The following EFNA5 variants were observed in gnomAD, a reference collection of about 807,000 sequenced individuals.
EFNA5 encodes ephrin A5, also known as ephrin-A5.
A neutral mutation model predicts 22.9 loss-of-function variants in EFNA5; 5 were observed. The ratio of observed to expected loss-of-function variants is 0.22; its 90% CI spans 0.11 to 0.46. EFNA5 has a LOEUF of 0.46. Among genes scored for constraint, EFNA5 ranks in the 20% least tolerant of loss-of-function variants. The pLI is 0.99. For missense variants in EFNA5, 237 were observed against 293.3 expected, an observed-to-expected ratio of 0.81 and a Z score of 1.40; for synonymous variants, 113 against 112.2, an observed-to-expected ratio of 1.01 and a Z score of -0.04.
intron 1 of EFNA5, among the ~76,000 whole-genome samples, chr5:107,504,169 A>G (rs1006769932): frequency 6.6e-6 from 1 of 152,192 alleles, no homozygotes; most frequent in Non-Finnish European, 1.5e-5. Context: ...TTTTTTGTTC[A>G]GGATGAAAGT....
chr5:107,662,901 A>C (rs1750992939), intron 1 of EFNA5, among the ~76,000 whole-genome samples: 1 of 152,002 alleles, frequency 6.6e-6, no homozygotes, highest in Non-Finnish European at 1.5e-5. Context: ...TTAATATATC[A>C]CTTTGAAGTT....
rs2112420971 is a variant in EFNA5 at position 107,427,221 on chromosome 5, G to A, written c.414C>T (p.Tyr138=). The A allele has an allele frequency of 1.9e-6, 3 of 1,614,056 alleles. No homozygotes were observed. The highest frequency in any genetic ancestry group is 1.6e-4 in the Middle Eastern group (1 of 6,062). The part of the protein sequence containing the change: ...FEFRPGREYF[Y]ISSAIPDNGR... ...GATAAATCTCTATATACTCACAGAT[G>A]TAGAAATATTCTCGGCCTGGCCTGA... Residue 138 remains tyrosine, a synonymous_variant, in exon 2 of 5, where the codon TAC becomes TAT. Transcript: ENST00000333274.
intron 1 of EFNA5, among the ~76,000 whole-genome samples, chr5:107,629,192 A>G (rs1040727781): frequency 6.6e-6 from 1 of 152,228 alleles, no homozygotes; most frequent in African/African-American, 2.4e-5. Flanking sequence ...CAAAAAATTC[A>G]TCAAACCCAA....
chr5:107,653,295 G>A (rs1209220319), intron 1 of EFNA5, among the ~76,000 whole-genome samples: 1 of 151,932 alleles, frequency 6.6e-6, no homozygotes, highest in Non-Finnish European at 1.5e-5. Context: ...CAGCGTTTCT[G>A]CACTTCAGTC....
chr5:107,415,542 T>C (rs1247038296), intron 2 of EFNA5, among the ~76,000 whole-genome samples: 1 of 152,150 alleles, frequency 6.6e-6, no homozygotes, highest in Non-Finnish European at 1.5e-5. Context: ...GTGTGAAGCT[T>C]GTTTTTTGGA....
intron 1 of EFNA5, among the ~76,000 whole-genome samples, chr5:107,651,129 G>A (rs1750720715): frequency 6.6e-6 from 1 of 152,150 alleles, no homozygotes; most frequent in Non-Finnish European, 1.5e-5. Flanking sequence ...AGTTCTGTTA[G>A]ACAAACTGTA....
intron 1 of EFNA5, among the ~76,000 whole-genome samples, chr5:107,537,056 C>T (rs1380009963): frequency 7.0e-6 from 1 of 142,118 alleles, no homozygotes; most frequent in African/African-American, 3.0e-5. Context: ...AGTGAGCCGA[C>T]ATCGTGCCAC....
chr5:107,460,928 G>A (rs867388440), intron 1 of EFNA5, among the ~76,000 whole-genome samples: 15 of 152,178 alleles, frequency 9.9e-5, no homozygotes, highest in Admixed American at 2.6e-4. Flanking sequence ...AAAACAAAAG[G>A]ACACGGTATT....
intron 2 of EFNA5, among the ~76,000 whole-genome samples, chr5:107,409,457 G>A (rs988352065): frequency 2.0e-5 from 3 of 152,160 alleles, no homozygotes; most frequent in African/African-American, 7.2e-5. Flanking sequence ...GATACCAGAC[G>A]AGAAACTACT....
intron 1 of EFNA5, among the ~76,000 whole-genome samples, chr5:107,571,993 T>C (rs997406166): frequency 1.3e-5 from 2 of 151,908 alleles, no homozygotes; most frequent in Admixed American, 6.6e-5. Flanking sequence ...GAGCCTACTG[T>C]TAACAACAAA....
intron 1 of EFNA5, among the ~76,000 whole-genome samples, chr5:107,516,999 G>A (rs530443578): frequency 1.3e-4 from 20 of 152,188 alleles, no homozygotes; most frequent in African/African-American, 4.6e-4. Flanking sequence ...AGGCACAGGG[G>A]ATGACTATAA....
In EFNA5 at chr5:107,387,780, AAC is replaced by A; in HGVS notation, c.419-11_419-10del. The A allele has an allele frequency of 6.2e-7, 1 of 1,601,286 alleles. No homozygotes were observed. Among genetic ancestry groups the A allele is most frequent in the South Asian group, 1.1e-5 (1 of 90,322 alleles). ...ATCTGGGATTGCAGAGGCTGTGGGT[AAC>A]ACAGAGAGAGAGCAGGAAAGAAAGA... is the stretch of plus-strand genomic sequence containing the variant. On this transcript the variant is annotated splice_polypyrimidine_tract_variant and intron_variant, in intron 2 of 4. Transcript: ENST00000333274.
At chr5:107,622,956 GC>G (rs560353582) in intron 1 of EFNA5, among the ~76,000 whole-genome samples, 21 of 141,166 alleles carry the variant, frequency 1.5e-4, no homozygotes, top group Middle Eastern at 4.3e-3. Flanking sequence ...GGGAAGCGGA[GC>G]TTGCAGTGAG....
chr5:107,435,568 T>C (rs901743280), intron 1 of EFNA5, among the ~76,000 whole-genome samples: 5 of 152,238 alleles, frequency 3.3e-5, no homozygotes, highest in African/African-American at 1.2e-4. Flanking sequence ...CCCCACCAGG[T>C]GTGAAGGCTG....
chr5:107,556,387 A>G (rs941349435), intron 1 of EFNA5, among the ~76,000 whole-genome samples: 2 of 152,222 alleles, frequency 1.3e-5, no homozygotes, highest in Non-Finnish European at 2.9e-5. Context: ...CTGCAAAGTA[A>G]AACTCAAATT....
At chr5:107,589,808 G>C (rs1239450919) in intron 1 of EFNA5, among the ~76,000 whole-genome samples, 3 of 152,184 alleles carry the variant, frequency 2.0e-5, no homozygotes, top group African/African-American at 7.2e-5. Flanking sequence ...AATGGTCTCA[G>C]GTACTAAAGC....
At chr5:107,614,236 C>T (rs1405835528) in intron 1 of EFNA5, among the ~76,000 whole-genome samples, 3 of 152,106 alleles carry the variant, frequency 2.0e-5, no homozygotes, top group Non-Finnish European at 2.9e-5. Context: ...CTGGATGGAT[C>T]TTCCAGAAGG....
At chr5:107,641,212 G>T (rs998521870) in intron 1 of EFNA5, among the ~76,000 whole-genome samples, 4 of 152,034 alleles carry the variant, frequency 2.6e-5, no homozygotes, top group South Asian at 2.1e-4. Flanking sequence ...CAAAAAATTA[G>T]CTGGGCATGG....
At chr5:107,582,037 T>G (rs887743005) in intron 1 of EFNA5, among the ~76,000 whole-genome samples, 8 of 152,162 alleles carry the variant, frequency 5.3e-5, no homozygotes, top group African/African-American at 1.9e-4. Context: ...AAAATCCTGG[T>G]GCCTAAAGTC....
Sources: gnomAD v4.1 joint callset for allele counts (sites outside exome capture counted in the v4.1 genomes callset) on GRCh38, gnomAD v4.1.1 for gene constraint, MANE v1.5 for transcripts, NCBI Gene and HGNC (gene_info 2026-07-23, HGNC 2026-07-21) for gene names.